The following APC variants were observed in gnomAD, a reference collection of about 807,000 sequenced individuals.
APC encodes adenomatous polyposis coli protein.
APC carries 72 observed loss-of-function variants against 247.0 expected under a neutral mutation model. The ratio of observed to expected loss-of-function variants is 0.29; its 90% CI spans 0.24 to 0.35. APC has a LOEUF of 0.35. Among genes scored for constraint, APC ranks in the 10% least tolerant of loss-of-function variants. The pLI is 1.00. For synonymous variants in APC, 1,254 were observed against 1,162.5 expected, an observed-to-expected ratio of 1.08 and a Z score of -1.60; for missense variants, 3,400 against 3,360.7, an observed-to-expected ratio of 1.01 and a Z score of -0.29.
intron 6 of APC, among the ~76,000 whole-genome samples, chr5:112,785,708 AG>A (rs1758863020): frequency 6.6e-6 from 1 of 152,200 alleles, no homozygotes; most frequent in Non-Finnish European, 1.5e-5. Flanking sequence ...ATATGACAGA[AG>A]TTACATTATA....
At chr5:112,828,739 A>G in intron 13 of APC, 117 bp from the exon 14 acceptor site, 1 of 742,818 alleles carries the variant, frequency 1.3e-6, no homozygotes, top group Non-Finnish European at 2.3e-6. Context: ...GTGAGTCACC[A>G]CGGCTAGCCA....
chr5:112,805,438 A>G (rs1007088514), intron 8 of APC, among the ~76,000 whole-genome samples: 2 of 152,222 alleles, frequency 1.3e-5, no homozygotes, highest in African/African-American at 4.8e-5. Flanking sequence ...CTGTGAATTC[A>G]GAGGTAAACA....
At chr5:112,810,091 A>G (rs758207700) in intron 8 of APC, 3 of 455,758 alleles carry the variant, frequency 6.6e-6, no homozygotes, top group South Asian at 3.1e-5. Context: ...GATACAGACT[A>G]TAAGTTTGAG....
chr5:112,803,841 A>G (rs1482328055), intron 8 of APC, among the ~76,000 whole-genome samples: 1 of 152,168 alleles, frequency 6.6e-6, no homozygotes, highest in Non-Finnish European at 1.5e-5. Context: ...TGCCTTTTCT[A>G]GTATATCCTT....
intron 8 of APC, among the ~76,000 whole-genome samples, chr5:112,810,568 G>A (rs534010756): frequency 5.9e-5 from 9 of 152,260 alleles, no homozygotes; most frequent in East Asian, 5.8e-4. Context: ...AAAGAGTTAC[G>A]TAAGTTTCTC....
At chr5:112,809,073 T>G (rs1580484328) in intron 8 of APC, among the ~76,000 whole-genome samples, 1 of 152,058 alleles carries the variant, frequency 6.6e-6, no homozygotes, top group East Asian at 1.9e-4. Context: ...GAAATGCACC[T>G]GGGTGCAGTA....
intron 8 of APC, among the ~76,000 whole-genome samples, chr5:112,812,028 A>G (rs1013963330): frequency 6.6e-6 from 1 of 152,168 alleles, no homozygotes; most frequent in African/African-American, 2.4e-5. Context: ...CATGGGCCTC[A>G]CCAAGGGCAG....
At chr5:112,783,190 A>G (rs1758541418) in intron 6 of APC, among the ~76,000 whole-genome samples, 1 of 152,276 alleles carries the variant, frequency 6.6e-6, no homozygotes, top group South Asian at 2.1e-4. Flanking sequence ...TATTCCAGAC[A>G]TTTTATATCC....
chr5:112,744,084 C>G (rs560422003), intron 1 of APC, among the ~76,000 whole-genome samples: 1 of 152,128 alleles, frequency 6.6e-6, no homozygotes, highest in Non-Finnish European at 1.5e-5. Context: ...ACAAGTGATC[C>G]TCCCACCTCA....
intron 6 of APC, 106 bp downstream of exon 6, chr5:112,781,009 T>C (rs1758279674): frequency 3.7e-6 from 3 of 804,302 alleles, no homozygotes; most frequent in Non-Finnish European, 6.3e-6. Flanking sequence ...CATAAGGCTG[T>C]GTTTATTTTG....
rs952745107 is a variant in APC at position 112,844,243 on chromosome 5, G to A, written c.*117G>A. 16 of 979,676 alleles carry A rather than the reference G, an allele frequency of 1.6e-5. No homozygotes were observed. Among genetic ancestry groups the A allele is most frequent in the Middle Eastern group, 5.1e-4 (2 of 3,912 alleles). The allele number at this position is 979,676 out of a possible 1,614,324, so 60.7% of individuals were successfully genotyped here. The stretch of plus-strand genomic sequence containing the variant: ...AATTTTGTAAATAGGTTTGATTCTT[G>A]TTAGAGGGTTTTTGTTCTGGAAGCC... On this transcript the variant is annotated 3_prime_UTR_variant, in exon 16 of 16. Coordinates refer to ENST00000257430, the MANE Select transcript of APC (RefSeq NM_000038.6).
chr5:112,764,317 G>A (rs559247698), intron 2 of APC, among the ~76,000 whole-genome samples: 1 of 151,956 alleles, frequency 6.6e-6, no homozygotes, highest in Admixed American at 6.5e-5. Context: ...CTCTGTGCAA[G>A]GTTGAGCCAC....
In APC at chr5:112,742,438, A is replaced by T. The variant is rs555993188; in HGVS notation, c.-19+4513A>T. On this transcript the variant is annotated intron_variant, in intron 1 of 15. Transcript: ENST00000257430. Reference sequence around the variant, plus strand: ...AGTTTCTGTGGGGCAAGAATTCAGGAATGTCTTAGTTGGATGGTCTGACTG... The same window carrying T: ...AGTTTCTGTGGGGCAAGAATTCAGGTATGTCTTAGTTGGATGGTCTGACTG... 3.9e-5 allele frequency among the ~76,000 whole-genome samples: 6 copies of T among 152,302 alleles called. No homozygotes were observed. The South Asian group carries it at 1.2e-3, about 32-fold the overall frequency.
chr5:112,819,082 T>G lies in APC; in HGVS notation c.1050T>G (p.Ser350=), dbSNP rs760345157. ...SQDSCISMRQ[S]GCLPLLIQLL... ...ACAGCTGTATATCCATGCGACAGTC[T>G]GGATGTCTTCCTCTCCTCATCCAGC... The change falls in exon 10 of 16, where the codon TCT becomes TCG. Residue 350 remains serine, a synonymous_variant. Coordinates refer to ENST00000257430, the MANE Select transcript of APC (RefSeq NM_000038.6). The G allele has an allele frequency of 2.0e-5, 33 of 1,614,028 alleles. No homozygotes were observed. In the East Asian group the frequency reaches 6.0e-4, roughly 29 times the overall value.
chr5:112,721,561 G>C (rs901923151), intron 1 of APC, among the ~76,000 whole-genome samples: 3 of 152,304 alleles, frequency 2.0e-5, no homozygotes, highest in Admixed American at 2.0e-4. Context: ...AAGTTAAGGA[G>C]CTAAGAAGCC....
intron 1 of APC, among the ~76,000 whole-genome samples, chr5:112,749,067 G>T (rs1753999770): frequency 6.6e-6 from 1 of 152,058 alleles, no homozygotes; most frequent in African/African-American, 2.4e-5. Flanking sequence ...GTCTAAGATG[G>T]TTTTTCTTTA....
At chr5:112,813,381 A>T (rs536948167) in intron 8 of APC, among the ~76,000 whole-genome samples, 32 of 152,328 alleles carry the variant, frequency 2.1e-4, no homozygotes, top group African/African-American at 7.5e-4. Context: ...AGCAGCCCTC[A>T]TAAAAATTAA....
intron 6 of APC, among the ~76,000 whole-genome samples, chr5:112,783,120 A>G (rs1175628272): frequency 6.6e-6 from 1 of 152,152 alleles, no homozygotes; most frequent in African/African-American, 2.4e-5. Flanking sequence ...AGAGATCCTA[A>G]AAGAACAAGA....
chr5:112,785,029 A>C (rs994361226), intron 6 of APC, among the ~76,000 whole-genome samples: 1 of 152,068 alleles, frequency 6.6e-6, no homozygotes, highest in Non-Finnish European at 1.5e-5. Context: ...ATGCCACTGC[A>C]CTCCAACCTG....
Sources: allele counts gnomAD v4.1 joint callset (sites outside exome capture counted in the v4.1 genomes callset), GRCh38; gene constraint gnomAD v4.1.1; transcripts MANE v1.5; gene names NCBI Gene and HGNC (gene_info 2026-07-23, HGNC 2026-07-21).